Variants in RBM19 observed in about 807,000 individuals in gnomAD.
RBM19 encodes probable RNA-binding protein 19.
A neutral mutation model predicts 116.8 loss-of-function variants in RBM19; 94 were observed. The observed-to-expected ratio is 0.80, with a 90% confidence interval of 0.68 to 0.95. RBM19 has a LOEUF of 0.95. RBM19 is among the 40% of genes least tolerant of loss of function. RBM19 has a pLI of 0.00. For missense variants in RBM19, 1,161 were observed against 1,220.7 expected, an observed-to-expected ratio of 0.95 and a Z score of 0.73; for synonymous variants, 475 against 494.1, an observed-to-expected ratio of 0.96 and a Z score of 0.51.
intron 21 of RBM19, among the ~76,000 whole-genome samples, chr12:113,872,053 C>T (rs373527061): frequency 0.051 from 7,256 of 142,652 alleles, 331 homozygotes; most frequent in East Asian, 0.28. Context: ...CGTCTCCGCC[C>T]AGCCGCCATC....
intron 23 of RBM19, among the ~76,000 whole-genome samples, chr12:113,838,233 G>GTT (rs1483709097): frequency 6.6e-6 from 1 of 152,192 alleles, no homozygotes; most frequent in African/African-American, 2.4e-5. Flanking sequence ...TTCACCCAGC[G>GTT]TGCATGGCTT....
intron 22 of RBM19, among the ~76,000 whole-genome samples, chr12:113,853,084 C>G (rs1877589281): frequency 6.6e-6 from 1 of 152,226 alleles, no homozygotes; most frequent in Non-Finnish European, 1.5e-5. Context: ...ACAGTAGGCT[C>G]ACAGAACACT....
At chr12:113,902,416 T>G (rs1298906399) in intron 21 of RBM19, among the ~76,000 whole-genome samples, 3 of 151,940 alleles carry the variant, frequency 2.0e-5, no homozygotes, top group Non-Finnish European at 2.9e-5. Context: ...CTGGGCAACA[T>G]AGCAAGCCCT....
chr12:113,849,509 G>A (rs770409117), intron 22 of RBM19, among the ~76,000 whole-genome samples: 1 of 152,246 alleles, frequency 6.6e-6, no homozygotes, highest in South Asian at 2.1e-4. Flanking sequence ...TGAGAGAGCA[G>A]GCAGTGCCTG....
chr12:113,957,338 G>A (rs1194683405), intron 6 of RBM19, among the ~76,000 whole-genome samples: 1 of 152,198 alleles, frequency 6.6e-6, no homozygotes, highest in East Asian at 1.9e-4. Context: ...CACTTTGGGA[G>A]GCTGAGATGA....
chr12:113,962,288 C>T lies in RBM19; in HGVS notation c.163G>A (p.Ala55Thr), dbSNP rs778970462. 1 of 1,614,232 alleles carries T rather than the reference C, an allele frequency of 6.2e-7. No homozygotes were observed. The highest frequency in any genetic ancestry group is 2.2e-5 in the East Asian group (1 of 44,884). ...TTGAAATGCTTCTGTGCCTTCTGGG[C>T]CTCTTCCTCGGACTTGAAGCCAATA... is the stretch of plus-strand genomic sequence containing the variant. Reference protein sequence around the residue: ...GFIGFKSEEEAQKAQKHFNKS... With the variant: ...GFIGFKSEEETQKAQKHFNKS... The change falls in exon 2 of 24, where the codon GCC (alanine) becomes ACC (threonine). Residue 55 changes from alanine to threonine, a missense_variant. Coordinates refer to ENST00000261741, the MANE Select transcript of RBM19 (RefSeq NM_016196.4).
intron 21 of RBM19, among the ~76,000 whole-genome samples, chr12:113,870,606 C>G (rs1879140585): frequency 6.6e-6 from 1 of 152,128 alleles, no homozygotes; most frequent in Non-Finnish European, 1.5e-5. Context: ...AGCAGAGCAA[C>G]AAGATCTTAC....
At position 113,895,473 on chromosome 12, in the gene RBM19, G is replaced by A. The variant is rs144348148; in HGVS notation, c.2558+19496C>T. The stretch of plus-strand genomic sequence containing the variant: ...TACGGCATTATGAAAGATGAGGAGA[G>A]TTACATGGGTGAAATAGGCAAGATT... On this transcript the variant is annotated intron_variant, in intron 21 of 23. Transcript: ENST00000261741. Among the ~76,000 whole-genome samples the A allele has an allele frequency of 2.9e-3, 444 of 152,354 alleles. 5 individuals carry two copies. The highest frequency in any genetic ancestry group is 0.01 in the African/African-American group (429 of 41,578).
intron 10 of RBM19, among the ~76,000 whole-genome samples, 166 bp downstream of exon 10, chr12:113,948,667 A>C (rs1871234827): frequency 6.6e-6 from 1 of 152,216 alleles, no homozygotes; most frequent in Non-Finnish European, 1.5e-5. Flanking sequence ...ATGTCACTGA[A>C]TCCTCACAGC....
chr12:113,835,962 A>AC (rs1257890597), intron 23 of RBM19, among the ~76,000 whole-genome samples: 2 of 152,266 alleles, frequency 1.3e-5, no homozygotes, highest in East Asian at 3.9e-4. Context: ...TTTCTTCCAT[A>AC]CCATTATATT....
At chr12:113,873,855 G>A (rs1593516845) in intron 21 of RBM19, among the ~76,000 whole-genome samples, 1 of 152,210 alleles carries the variant, frequency 6.6e-6, no homozygotes, top group South Asian at 2.1e-4. Context: ...CATGGTGCGG[G>A]TGATGAGCTG....
chr12:113,831,996 C>G (rs1288068274), intron 23 of RBM19, among the ~76,000 whole-genome samples: 2 of 152,086 alleles, frequency 1.3e-5, no homozygotes, highest in Non-Finnish European at 2.9e-5. Flanking sequence ...TGGGAACTGC[C>G]TTGACCGAAA....
intron 23 of RBM19, among the ~76,000 whole-genome samples, chr12:113,828,394 C>A (rs759217102): frequency 6.6e-6 from 1 of 152,218 alleles, no homozygotes; most frequent in East Asian, 1.9e-4. Context: ...GGGGGCTTTT[C>A]TTCCTGTTCC....
intron 21 of RBM19, among the ~76,000 whole-genome samples, chr12:113,865,598 G>A (rs1025680841): frequency 3.3e-5 from 5 of 152,080 alleles, no homozygotes; most frequent in Admixed American, 6.5e-5. Flanking sequence ...ACATCTCCCC[G>A]AGTGCCAGGT....
intron 16 of RBM19, chr12:113,932,598 C>T (rs796133205): frequency 7.2e-5 from 11 of 152,338 alleles, no homozygotes; most frequent in African/African-American, 2.6e-4. Flanking sequence ...AGTCACCAGG[C>T]CAGGCTGTGT....
At chr12:113,937,472 C>T (rs1363110483) in intron 15 of RBM19, among the ~76,000 whole-genome samples, 1 of 152,074 alleles carries the variant, frequency 6.6e-6, no homozygotes, top group Non-Finnish European at 1.5e-5. Context: ...CGAGGAGCGA[C>T]CACATCACTG....
intron 23 of RBM19, among the ~76,000 whole-genome samples, chr12:113,832,997 TATC>T (rs1195516312): frequency 1.3e-5 from 2 of 152,164 alleles, no homozygotes; most frequent in African/African-American, 4.8e-5. Flanking sequence ...AGGCTTTAAA[TATC>T]ATCTGTCTGC....
chr12:113,918,542 G>A, intron 19 of RBM19, 95 bp from the exon 20 acceptor site: 1 of 1,354,256 alleles, frequency 7.4e-7, no homozygotes, highest in Non-Finnish European at 1.0e-6. Flanking sequence ...GCTCGCAGAT[G>A]GGAGCCTGAT....
intron 21 of RBM19, among the ~76,000 whole-genome samples, chr12:113,865,233 C>T (rs1000805076): frequency 2.0e-5 from 3 of 152,166 alleles, no homozygotes; most frequent in Admixed American, 2.0e-4. Context: ...TACCTCAGGG[C>T]CTTTGCACTT....
Sources: allele counts gnomAD v4.1 joint callset (sites outside exome capture counted in the v4.1 genomes callset), GRCh38; gene constraint gnomAD v4.1.1; transcripts MANE v1.5; gene names NCBI Gene and HGNC (gene_info 2026-07-23, HGNC 2026-07-21).